CDH13: variants seen among roughly 807,000 people sequenced by gnomAD.
The protein encoded by CDH13 is cadherin-13.
Under a neutral mutation model 63.8 loss-of-function variants are expected in CDH13, and 24 were observed. The observed-to-expected ratio is 0.38, with a 90% CI of 0.27 to 0.53. The LOEUF (loss-of-function observed/expected upper bound fraction) is 0.53, where lower values mean the gene tolerates loss of function less well. CDH13 is among the 20% of genes least tolerant of loss of function. The pLI is 0.85. For missense variants in CDH13, 1,049 were observed against 903.1 expected (o/e 1.16, Z -2.07); for synonymous variants, 503 against 355.3 (o/e 1.42, Z -4.67).
chr16:82,695,640 A>G (rs2030193974), intron 1 of CDH13, among the ~76,000 whole-genome samples: 1 of 152,200 alleles, frequency 6.6e-6, no homozygotes, highest in Non-Finnish European at 1.5e-5. Context: ...TTTTAGGGAC[A>G]GAAAGCTACT....
In CDH13 at chr16:82,971,374, G is replaced by A. The variant is rs569012552; in HGVS notation, c.158-60636G>A. On this transcript the variant is annotated intron_variant, in intron 2 of 13. Coordinates refer to ENST00000567109, the MANE Select transcript of CDH13 (RefSeq NM_001257.5). ...TCCCATCACCTTCCACATCAACCCC[G>A]CACACTTGAATCCTTGTTGCAAGGT... Among the ~76,000 whole-genome samples the A allele has an allele frequency of 1.8e-3, 273 of 152,114 alleles. No homozygotes were observed. The South Asian group carries it at 0.025, about 14-fold the overall frequency.
At chr16:83,680,716 T>C (rs369112146) in intron 10 of CDH13, among the ~76,000 whole-genome samples, 71 of 152,238 alleles carry the variant, frequency 4.7e-4, no homozygotes, top group African/African-American at 1.6e-3. Context: ...CCTGTTTCTC[T>C]AGCCAGTGTA....
At chr16:82,674,636 A>C (rs572490997) in intron 1 of CDH13, among the ~76,000 whole-genome samples, 2 of 152,346 alleles carry the variant, frequency 1.3e-5, no homozygotes, top group East Asian at 3.9e-4. Flanking sequence ...TAGATGGTGG[A>C]TATTTAAATA....
intron 1 of CDH13, among the ~76,000 whole-genome samples, chr16:82,638,817 A>AGTGTGTGTGTGTGTGTGTGTGT (rs779050661): frequency 6.1e-4 from 32 of 52,478 alleles, no homozygotes; most frequent in Non-Finnish European, 1.1e-3. Flanking sequence ...TTATTAGGGC[A>AGTGTGTGTGTGTGTGTGTGTGT]GTGTGTGCGT....
chr16:83,061,106 C>G (rs887118363), intron 3 of CDH13, among the ~76,000 whole-genome samples: 6 of 152,196 alleles, frequency 3.9e-5, no homozygotes, highest in Non-Finnish European at 7.3e-5. Flanking sequence ...GAAATCTAGC[C>G]TTGGTCTCTC....
At chr16:83,205,013 C>T (rs577745164) in intron 4 of CDH13, among the ~76,000 whole-genome samples, 1 of 152,330 alleles carries the variant, frequency 6.6e-6, no homozygotes, top group South Asian at 2.1e-4. Context: ...CAAGGAAGAA[C>T]ACTGCTGTGT....
intron 1 of CDH13, among the ~76,000 whole-genome samples, chr16:82,798,892 T>TG (rs2151155738): frequency 6.6e-6 from 1 of 152,260 alleles, no homozygotes; most frequent in South Asian, 2.1e-4. Context: ...CCCTTGGAAG[T>TG]GAGCACAGGT....
chr16:83,064,414 A>ATTT (rs1255284212), intron 3 of CDH13, among the ~76,000 whole-genome samples: 3 of 152,168 alleles, frequency 2.0e-5, no homozygotes, highest in African/African-American at 7.2e-5. Context: ...TTAGGAACAG[A>ATTT]TTTTTTAGCA....
intron 13 of CDH13, among the ~76,000 whole-genome samples, chr16:83,786,626 C>T (rs1381324359): frequency 2.6e-5 from 4 of 151,638 alleles, no homozygotes; most frequent in East Asian, 1.9e-4. Context: ...CTCACTCTGT[C>T]GCCCAGGCTG....
chr16:83,360,886 T>C (rs1350997142), intron 6 of CDH13, among the ~76,000 whole-genome samples: 1 of 152,348 alleles, frequency 6.6e-6, no homozygotes, highest in East Asian at 1.9e-4. Context: ...TCCATGTCTT[T>C]GCTATTTGAA....
intron 6 of CDH13, among the ~76,000 whole-genome samples, chr16:83,454,818 T>G (rs2151515429): frequency 6.6e-6 from 1 of 152,254 alleles, no homozygotes; most frequent in African/African-American, 2.4e-5. Context: ...GCAATTCTCT[T>G]GCCTCAGCCT....
chr16:83,617,649 C>T (rs1425857498), intron 8 of CDH13, among the ~76,000 whole-genome samples: 1 of 151,202 alleles, frequency 6.6e-6, no homozygotes, highest in Non-Finnish European at 1.5e-5. Context: ...TTCTAATATG[C>T]ACATATCCTA....
intron 3 of CDH13, among the ~76,000 whole-genome samples, chr16:83,072,882 G>C (rs1227397521): frequency 6.6e-6 from 1 of 152,114 alleles, no homozygotes; most frequent in Non-Finnish European, 1.5e-5. Context: ...CTGCCCTGGA[G>C]GATTTCTAAC....
intron 2 of CDH13, among the ~76,000 whole-genome samples, chr16:82,924,456 G>A (rs1235157607): frequency 6.6e-6 from 1 of 152,180 alleles, no homozygotes; most frequent in Non-Finnish European, 1.5e-5. Flanking sequence ...TTACTCAGGT[G>A]GTGGTTGCGG....
chr16:82,792,008 G>A (rs138523213), intron 1 of CDH13, among the ~76,000 whole-genome samples: 1 of 152,090 alleles, frequency 6.6e-6, no homozygotes, highest in Non-Finnish European at 1.5e-5. Context: ...ATGAGATTTG[G>A]GTGGGGACAC....
intron 1 of CDH13, among the ~76,000 whole-genome samples, chr16:82,690,688 G>T (rs556338948): frequency 6.6e-6 from 1 of 152,212 alleles, no homozygotes; most frequent in Non-Finnish European, 1.5e-5. Flanking sequence ...TGCTCTGGAA[G>T]CCACTATGCC....
intron 4 of CDH13, chr16:83,171,477 C>T (rs1479821377): frequency 4.8e-6 from 7 of 1,461,028 alleles, no homozygotes; most frequent in Non-Finnish European, 6.5e-6. Context: ...TTAGGTTACT[C>T]ATTCTATGAA....
At chr16:82,742,692 T>C (rs1257257773) in intron 1 of CDH13, among the ~76,000 whole-genome samples, 2 of 152,204 alleles carry the variant, frequency 1.3e-5, no homozygotes, top group East Asian at 3.8e-4. Context: ...AGTAGGAATA[T>C]GATGTATAAT....
At chr16:83,426,807 C>A (rs1198925297) in intron 6 of CDH13, among the ~76,000 whole-genome samples, 1 of 150,030 alleles carries the variant, frequency 6.7e-6, no homozygotes, top group Non-Finnish European at 1.5e-5. Flanking sequence ...TGACCCATCT[C>A]TTTTCTCCTC....
Sources: gnomAD v4.1 joint callset for allele counts (sites outside exome capture counted in the v4.1 genomes callset) on GRCh38, gnomAD v4.1.1 for gene constraint, MANE v1.5 for transcripts, NCBI Gene and HGNC (gene_info 2026-07-23, HGNC 2026-07-21) for gene names.